Variants in MYO9B observed in about 807,000 individuals in gnomAD.
The protein encoded by MYO9B is unconventional myosin-IXb.
In MYO9B, 71 loss-of-function variants were observed where a neutral mutation model predicts 229.5. The ratio of observed to expected loss-of-function variants is 0.31; its 90% CI spans 0.26 to 0.38. The LOEUF (loss-of-function observed/expected upper bound fraction) is 0.38. MYO9B is among the 10% of genes least tolerant of loss of function. MYO9B has a pLI of 1.00. For synonymous variants in MYO9B, 1,185 were observed against 1,235.8 expected, an observed-to-expected ratio of 0.96 and a Z score of 0.86; for missense variants, 2,255 against 2,920.5, an observed-to-expected ratio of 0.77 and a Z score of 5.25.
rs181642958 is a variant in MYO9B, at chr19:17,188,055, A to T, written c.2688+10A>T. On this transcript the variant is annotated intron_variant, in intron 19 of 39. Coordinates refer to ENST00000682292, the MANE Select transcript of MYO9B (RefSeq NM_004145.4). ...CAAGTACACGTTCCAGGTAGGCCAC[A>T]AGCACATATACCTGGACACACCTGT... 3.4e-4 allele frequency: 541 copies of T among 1,571,214 alleles called. 2 individuals are homozygous for T. Among genetic ancestry groups the T allele is most frequent in the Middle Eastern group, 1.5e-3 (9 of 6,012 alleles).
Position 17,101,852 on chromosome 19 carries a change from G to A in MYO9B, c.135G>A (p.Ser45=), listed in dbSNP as rs201045238. ...CTGCCACCAAGGACAGCACCACCTCGGACGTCATCAAGGACGCCATTGCCA... is the reference window on the plus strand; with the variant it reads ...CTGCCACCAAGGACAGCACCACCTCAGACGTCATCAAGGACGCCATTGCCA... ...RVTATKDSTT[S]DVIKDAIASL... The change falls in exon 2 of 40, where the codon TCG becomes TCA. Residue 45 remains serine (S), a synonymous_variant. Coordinates refer to ENST00000682292, the MANE Select transcript of MYO9B (RefSeq NM_004145.4). This position sits in a 1 kb window ranked among gnomAD's most constrained non-coding sequence, Gnocchi z 4.7. The A allele has an allele frequency of 2.1e-4, 343 of 1,612,242 alleles. 1 individual carries two copies. In the African/African-American group the frequency reaches 2.4e-3, roughly 11 times the overall value.
chr19:17,198,010 C>A (rs940484649), intron 23 of MYO9B, 152 bp downstream of exon 23: 64 of 1,311,770 alleles, frequency 4.9e-5, no homozygotes, highest in Middle Eastern at 5.2e-4. Flanking sequence ...GTGAGCCTCG[C>A]GAGACCAGGC....
Position 17,212,379 on chromosome 19 carries a change from A to G in MYO9B, c.*69A>G. On this transcript the variant is annotated 3_prime_UTR_variant, in exon 40 of 40. Coordinates refer to ENST00000682292, the MANE Select transcript of MYO9B (RefSeq NM_004145.4). This position sits in a 1 kb window ranked among gnomAD's most constrained non-coding sequence, Gnocchi z 5.4. ...CACTGGAGCTGGGCGCCAGAGCTGC[A>G]GAGCTAGTGTTCGGCCCTCAGAGAA... 7.2e-7 allele frequency: 1 copy of G among 1,394,682 alleles called. No individual in the cohort carries two copies. Among genetic ancestry groups the G allele is most frequent in the Non-Finnish European group, 9.3e-7 (1 of 1,070,938 alleles). The allele number at this position is 1,394,682 out of a possible 1,614,324, so 86.4% of individuals were successfully genotyped here. A position where few individuals can be genotyped will look rare whatever the true frequency, so the allele number is the denominator to read the frequency against.
intron 28 of MYO9B, 40 bp downstream of exon 28, chr19:17,202,343 ACGCCTACCCATGCCT>A (rs2073116120): frequency 3.9e-6 from 6 of 1,523,292 alleles, no homozygotes; most frequent in Non-Finnish European, 5.3e-6. Flanking sequence ...GTGACATGCC[ACGCCTACCCATGCCT>A]CGCCATCCTT....
intron 38 of MYO9B, 79 bp from the exon 39 acceptor site, chr19:17,211,568 A>G: frequency 7.5e-7 from 1 of 1,341,186 alleles, no homozygotes; most frequent in Non-Finnish European, 1.0e-6. Context: ...ATCTAGGAGC[A>G]GGACAGCCTG....
intron 1 of MYO9B, among the ~76,000 whole-genome samples, chr19:17,083,573 G>A (rs560882954): frequency 1.1e-4 from 17 of 152,148 alleles, no homozygotes; most frequent in African/African-American, 3.9e-4. Flanking sequence ...CACTAGTTCC[G>A]GGTTCTGTTG....
intron 2 of MYO9B, among the ~76,000 whole-genome samples, chr19:17,122,078 C>G (rs1279735044): frequency 6.6e-6 from 1 of 152,072 alleles, no homozygotes; most frequent in African/African-American, 2.4e-5. Flanking sequence ...CAAGATGAAA[C>G]CTTTCCAAAT....
rs1269830602 is a variant in MYO9B at position 17,205,971 on chromosome 19, C to T, written c.5076C>T (p.Gly1692=). 9.6e-6 allele frequency: 15 copies of T among 1,561,966 alleles called. No homozygotes were observed. The highest frequency in any genetic ancestry group is 7.1e-5 in the Admixed American group (4 of 56,528). ...SYTYGRKGEP[G]VEPGHFGVCV... The stretch of plus-strand genomic sequence containing the variant: ...CCCCGGCACTGCAGGGCGAGCCAGG[C>T]GTTGAGCCTGGCCACTTCGGCGTGT... The change falls in exon 32 of 40, where the codon GGC becomes GGT. Residue 1692 remains glycine (G), a synonymous_variant. Coordinates refer to ENST00000682292, the MANE Select transcript of MYO9B (RefSeq NM_004145.4).
At chr19:17,174,639 AAAAT>A (rs1451345284) in intron 13 of MYO9B, among the ~76,000 whole-genome samples, 2 of 151,876 alleles carry the variant, frequency 1.3e-5, no homozygotes, top group East Asian at 1.9e-4. Context: ...TCCGTCTCAG[AAAAT>A]AAATAAATAG....
chr19:17,139,934 G>A (rs779620352), intron 2 of MYO9B, among the ~76,000 whole-genome samples: 13 of 151,942 alleles, frequency 8.6e-5, no homozygotes, highest in Non-Finnish European at 1.8e-4. Context: ...CCAGCTATTC[G>A]GGATGCTGAG....
chr19:17,159,401 C>T lies in MYO9B; in HGVS notation c.1336C>T (p.Arg446Ter), dbSNP rs1331284994. Residue 446 changes from arginine to a stop codon, truncating the protein, a stop_gained, in exon 8 of 40, where the codon CGA (arginine) becomes TGA (stop). Coordinates refer to ENST00000682292, the MANE Select transcript of MYO9B (RefSeq NM_004145.4). LOFTEE classifies it high-confidence loss of function. ...DTLSQLLKVKREILVEVLTKR... is the reference protein window; with the variant it reads ...DTLSQLLKVK ...CTCCTTGACCTCCAAACAGGTGAAG[C>T]GAGAAATCTTGGTGGAGGTTCTGAC... 2 of 1,604,802 alleles carry T rather than the reference C, an allele frequency of 1.2e-6. No homozygotes were observed. Among genetic ancestry groups the T allele is most frequent in the South Asian group, 1.1e-5 (1 of 89,180 alleles).
chr19:17,090,044 G>A (rs1186704953), intron 1 of MYO9B, among the ~76,000 whole-genome samples: 1 of 145,758 alleles, frequency 6.9e-6, no homozygotes, highest in Non-Finnish European at 1.5e-5. Flanking sequence ...ATGGTCTTTC[G>A]TGTCTGACTT....
chr19:17,096,791 C>T (rs1444420764), intron 1 of MYO9B, among the ~76,000 whole-genome samples: 1 of 149,950 alleles, frequency 6.7e-6, no homozygotes, highest in Non-Finnish European at 1.5e-5. Context: ...CTGCAAGCTC[C>T]GCCTTCCGGG....
chr19:17,081,339 TTTAGATAATATAGG>T (rs1264478349), intron 1 of MYO9B, among the ~76,000 whole-genome samples: 1 of 152,144 alleles, frequency 6.6e-6, no homozygotes, highest in Non-Finnish European at 1.5e-5. Context: ...AACTTACATT[TTTAGATAATATAGG>T]AACCTGGAGG....
At position 17,152,677 on chromosome 19, in the gene MYO9B, T is replaced by C. The variant is rs756813644; in HGVS notation, c.969T>C (p.Ser323=). 3.7e-6 allele frequency: 6 copies of C among 1,613,440 alleles called. No homozygotes were observed. The highest frequency in any genetic ancestry group is 2.2e-5 in the South Asian group (2 of 91,030). Residue 323 remains serine, a synonymous_variant, in exon 4 of 40, where the codon TCT becomes TCC. Transcript: ENST00000682292. The part of the protein sequence containing the change: ...AVVEKYLLEK[S]RLVSQEKDER... ...TCGAGAAATATCTGCTTGAAAAGTC[T>C]CGCCTGGTGTCTCAGGAGAAGGATG...
chr19:17,102,856 A>G (rs1226294488), intron 2 of MYO9B, among the ~76,000 whole-genome samples: 2 of 151,628 alleles, frequency 1.3e-5, no homozygotes, highest in African/African-American at 4.8e-5. Flanking sequence ...TCAGTGAGCT[A>G]TGATCATGCC....
Position 17,136,561 on chromosome 19 carries a change from T to C in MYO9B, c.841-8836T>C, listed in dbSNP as rs74594696. The stretch of plus-strand genomic sequence containing the variant: ...ATCAATGCTCCGCAGCCGGGGTGAT[T>C]TGCCGATCTCTGGGGACATTCTTTG... On this transcript the variant is annotated intron_variant, in intron 2 of 39. Coordinates refer to ENST00000682292, the MANE Select transcript of MYO9B (RefSeq NM_004145.4). Among the ~76,000 whole-genome samples the C allele has an allele frequency of 4.6e-5, 7 of 152,016 alleles. No individual in the cohort carries two copies. The East Asian group carries it at 1.2e-3, about 25-fold the overall frequency.
chr19:17,182,080 T>C (rs922146844), intron 15 of MYO9B, among the ~76,000 whole-genome samples: 11 of 151,530 alleles, frequency 7.3e-5, no homozygotes, highest in African/African-American at 1.7e-4. Flanking sequence ...CTTTTTTTTT[T>C]TTTTCTTTTT....
intron 20 of MYO9B, 28 bp downstream of exon 20, chr19:17,191,247 A>T: frequency 6.2e-7 from 1 of 1,601,054 alleles, no homozygotes; most frequent in South Asian, 1.1e-5. Context: ...TCGGGGCACT[A>T]CAAACCCACA....
Sources: allele counts gnomAD v4.1 joint callset (sites outside exome capture counted in the v4.1 genomes callset), GRCh38; gene constraint gnomAD v4.1.1; non-coding constraint Gnocchi (gnomAD v3.1); transcripts MANE v1.5; gene names NCBI Gene and HGNC (gene_info 2026-07-23, HGNC 2026-07-21).